Variants in LMTK3 observed in about 807,000 individuals in gnomAD.
The protein encoded by LMTK3 is serine/threonine-protein kinase LMTK3.
A neutral mutation model predicts 116.7 loss-of-function variants in LMTK3; 27 were observed. The ratio of observed to expected loss-of-function variants is 0.23; its 90% CI spans 0.17 to 0.32. The LOEUF is 0.32. Ranked by LOEUF, LMTK3 falls within the 10% of genes least tolerant of loss-of-function variation. The probability of loss-of-function intolerance (pLI) is 1.00; values close to 1 mark genes in which losing one functional copy is unlikely to be tolerated. For synonymous variants in LMTK3, 965 were observed against 971.0 expected (o/e 0.99, Z 0.11); for missense variants, 1,764 against 2,068.5 (o/e 0.85, Z 2.86).
At chr19:48,493,560 G>GC (rs552462833) in intron 12 of LMTK3, 134 bp downstream of exon 12, 10,241 of 385,294 alleles carry the variant, frequency 0.027, 105 homozygotes, top group Non-Finnish European at 0.031. Flanking sequence ...TTCAGGCCCC[G>GC]CCCCACTCCA....
At chr19:48,512,315 C>G (rs752912525), upstream of LMTK3, among the ~76,000 whole-genome samples, 1 of 152,138 alleles carries the variant, frequency 6.6e-6, no homozygotes, top group Non-Finnish European at 1.5e-5. Context: ...GCTTCCAGCA[C>G]AGATGCACCC....
At chr19:48,512,405 A>G (rs1022586309), upstream of LMTK3, among the ~76,000 whole-genome samples, 2 of 152,132 alleles carry the variant, frequency 1.3e-5, no homozygotes, top group African/African-American at 4.8e-5. Flanking sequence ...ACAGACGCAC[A>G]CGCCACAGAC....
Position 48,497,852 on chromosome 19 carries a change from C to A in LMTK3, c.3217G>T (p.Gly1073Cys). The change falls in exon 11 of 15, where the codon GGC (glycine) becomes TGC (cysteine). Residue 1073 changes from glycine (G) to cysteine (C), a missense_variant. Physicochemically the swap from Gly to Cys is radical, Grantham distance 159. Coordinates refer to ENST00000600059, the MANE Select transcript of LMTK3 (RefSeq NM_001388485.1). The surrounding 1 kb of genome is among the most constrained non-coding windows in gnomAD (Gnocchi z 5.7). ...SSRNGGETAP[G>C]PLGPAPKNGT... ...TTCTTGGGGGCTGGGCCAAGGGGGC[C>A]AGGGGCTGTCTCCCCGCCGTTCCGG... The A allele has an allele frequency of 7.0e-7, 1 of 1,430,512 alleles. No homozygotes were observed. Among genetic ancestry groups the A allele is most frequent in the Non-Finnish European group, 9.1e-7 (1 of 1,096,976 alleles). The allele number at this position is 1,430,512 out of a possible 1,614,324, so 88.6% of individuals were successfully genotyped here.
At chr19:48,507,336 A>G (rs1409132816) in intron 5 of LMTK3, among the ~76,000 whole-genome samples, 1 of 152,198 alleles carries the variant, frequency 6.6e-6, no homozygotes, top group African/African-American at 2.4e-5. Context: ...TGATGGGAAC[A>G]TTGGGATTTG....
chr19:48,490,556 C>T (rs1231649407), intron 14 of LMTK3, among the ~76,000 whole-genome samples: 1 of 146,768 alleles, frequency 6.8e-6, no homozygotes, highest in South Asian at 2.1e-4. Context: ...AAAATGAGGA[C>T]GAGGCTAGAA....
rs1972487919 is a variant in LMTK3, at chr19:48,502,415, G to A, written c.794+18C>T. 4 of 1,606,072 alleles carry A rather than the reference G, an allele frequency of 2.5e-6. No individual in the cohort carries two copies. Among genetic ancestry groups the A allele is most frequent in the Admixed American group, 3.4e-5 (2 of 59,298 alleles). On this transcript the variant is annotated intron_variant, in intron 7 of 14. Coordinates refer to ENST00000600059, the MANE Select transcript of LMTK3 (RefSeq NM_001388485.1). ...CTTCCCCTTAGTAGCTCCTCCCGCGGCTCCCCGGCCCGCCCACCTGTGCAC... is the reference window on the plus strand; with the variant it reads ...CTTCCCCTTAGTAGCTCCTCCCGCGACTCCCCGGCCCGCCCACCTGTGCAC...
At chr19:48,493,634 T>G (rs1239403969) in intron 12 of LMTK3, 60 bp downstream of exon 12, 8 of 1,459,264 alleles carry the variant, frequency 5.5e-6, no homozygotes, top group Non-Finnish European at 7.3e-6. Context: ...CCTTCCCGGC[T>G]CTAGGCTCCT....
Position 48,499,053 on chromosome 19 carries a change from G to A in LMTK3, c.2016C>T (p.Cys672=), listed in dbSNP as rs1164311267. The change falls in exon 11 of 15, where the codon TGC becomes TGT. Residue 672 remains cysteine, a synonymous_variant. Transcript: ENST00000600059. The stretch of plus-strand genomic sequence containing the variant: ...GGCAGGAGCAGGCCCCCTCGCGGCT[G>A]CACAGGGGACAGGGTAGGGGACCCC... ...SRRGPLPCPL[C]SREGACSCLP... The A allele has an allele frequency of 1.3e-6, 2 of 1,524,958 alleles. No individual in the cohort carries two copies. Among genetic ancestry groups the A allele is most frequent in the African/African-American group, 1.4e-5 (1 of 71,820 alleles). The allele number at this position is 1,524,958 out of a possible 1,614,324, so 94.5% of individuals were successfully genotyped here.
chr19:48,498,771 C>A lies in LMTK3; in HGVS notation c.2298G>T (p.Pro766=). The A allele has an allele frequency of 1.3e-6, 1 of 779,358 alleles. No homozygotes were observed. Among genetic ancestry groups the A allele is most frequent in the Non-Finnish European group, 1.6e-6 (1 of 614,332 alleles). 48.3% of individuals were successfully genotyped at this position (779,358 alleles called of 1,614,324 possible). ...PPPPPRAPAD[P]AASPDPPSAV... ...CCGAAGGGGGGTCGGGGGACGCGGC[C>A]GGGTCCGCGGGGGCCCGAGGAGGTG... The change falls in exon 11 of 15, where the codon CCG becomes CCT. Residue 766 remains proline (P), a synonymous_variant. Transcript: ENST00000600059.
At chr19:48,489,490 T>A (rs1013195687) in intron 14 of LMTK3, among the ~76,000 whole-genome samples, 3 of 152,128 alleles carry the variant, frequency 2.0e-5, no homozygotes, top group African/African-American at 7.2e-5. Flanking sequence ...GGAGAATCGC[T>A]TGAACCCGGG....
In LMTK3 at chr19:48,499,816, C is replaced by T; in HGVS notation, c.1253G>A (p.Arg418Gln). ...LTYLLSERPP[R>Q]PPPPPPPPRD... is the part of the protein sequence containing the mutation. ...GGGTGGGGGTGGCGGCGGTGGGGGC[C>T]GGGGAGGCCGCTCGGAGAGCAAGTA... Residue 418 changes from arginine (R) to glutamine (Q), a missense_variant, in exon 11 of 15, where the codon CGG (arginine) becomes CAG (glutamine). Around this residue, in one of 7 missense-constraint regions of LMTK3, gnomAD observed 63 missense variants for 65.0 expected, o/e 0.97. Transcript: ENST00000600059. The T allele has an allele frequency of 8.0e-7, 1 of 1,243,674 alleles. No homozygotes were observed. Among genetic ancestry groups the T allele is most frequent in the Non-Finnish European group, 1.1e-6 (1 of 918,870 alleles). The allele number at this position is 1,243,674 out of a possible 1,614,324, so 77.0% of individuals were successfully genotyped here.
intron 14 of LMTK3, among the ~76,000 whole-genome samples, chr19:48,488,740 T>C (rs964183713): frequency 8.1e-4 from 3 of 3,700 alleles, no homozygotes; most frequent in Non-Finnish European, 2.9e-3. Context: ...AAATTACACT[T>C]TTTTTTTTTT....
rs1293731891 is a variant in LMTK3 at position 48,497,515 on chromosome 19, G to C, written c.3554C>G (p.Ala1185Gly). ...TCCGCTGAGTGCCGTGTCTCCGCCG[G>C]CCCTGCTGTCTGGGGCCCCGGGCTC... ...EGEPGAPDSR[A>G]GGDTALSGDG... Residue 1185 changes from alanine to glycine, a missense_variant, in exon 11 of 15, where the codon GCC becomes GGC. By Grantham distance (60) the Ala-to-Gly change is moderately conservative. This residue lies in a region of LMTK3 where 1,028 missense variants were observed against 1,050.6 expected (regional missense o/e 0.98). Transcript: ENST00000600059. This position sits in a 1 kb window ranked among gnomAD's most constrained non-coding sequence, Gnocchi z 5.7. 1 of 1,435,120 alleles carries C rather than the reference G, an allele frequency of 7.0e-7. No individual in the cohort carries two copies. 88.9% of individuals were successfully genotyped at this position (1,435,120 alleles called of 1,614,324 possible).
At chr19:48,503,510 A>C (rs1601054071) in intron 5 of LMTK3, among the ~76,000 whole-genome samples, 1 of 148,152 alleles carries the variant, frequency 6.7e-6, no homozygotes, top group African/African-American at 2.5e-5. Context: ...CTTACACCTC[A>C]CCTCCACCTT....
At chr19:48,493,129 T>G (rs1972254649) in intron 12 of LMTK3, among the ~76,000 whole-genome samples, 1 of 149,830 alleles carries the variant, frequency 6.7e-6, no homozygotes, top group African/African-American at 2.5e-5. Flanking sequence ...GCCACAGACT[T>G]GGCCTCCCTC....
rs141863547 is a variant in LMTK3 at position 48,496,062 on chromosome 19, G to T, written c.3676+1331C>A. 4.6e-3 allele frequency among the ~76,000 whole-genome samples: 706 copies of T among 152,270 alleles called. 4 individuals carry two copies. Among genetic ancestry groups the T allele is most frequent in the African/African-American group, 0.016 (674 of 41,554 alleles). On this transcript the variant is annotated intron_variant, in intron 11 of 14. Coordinates refer to ENST00000600059, the MANE Select transcript of LMTK3 (RefSeq NM_001388485.1). ...AGGAGGCCTGGCACACTGGATAGAT[G>T]CCTTAGCTTACTGGAAAGTTGTTGT...
chr19:48,510,517 G>A lies in LMTK3; in HGVS notation c.152C>T (p.Ala51Val). ...VVLISCSGLL[A>V]FIFLLLTCLC... ...ACAGGTGAGGAGGAGGAAGATGAAG[G>A]CCAGCAGGCCGGAGCAGGAAATGAG... Residue 51 changes from alanine (A) to valine (V), a missense_variant, in exon 2 of 15, where the codon GCC (alanine) becomes GTC (valine). Ala to Val is a moderately conservative substitution (Grantham distance 64). Coordinates refer to ENST00000600059, the MANE Select transcript of LMTK3 (RefSeq NM_001388485.1). The A allele has an allele frequency of 6.3e-7, 1 of 1,599,454 alleles. No homozygotes were observed. Among genetic ancestry groups the A allele is most frequent in the Non-Finnish European group, 8.5e-7 (1 of 1,173,346 alleles).
chr19:48,503,993 G>T (rs1054850746), intron 5 of LMTK3, among the ~76,000 whole-genome samples: 1 of 151,742 alleles, frequency 6.6e-6, no homozygotes, highest in Non-Finnish European at 1.5e-5. Flanking sequence ...TCAGCCTCCC[G>T]AGTAGCTGGG....
At chr19:48,505,108 T>A (rs1293668045) in intron 5 of LMTK3, among the ~76,000 whole-genome samples, 1 of 123,520 alleles carries the variant, frequency 8.1e-6, no homozygotes, top group African/African-American at 3.1e-5. Context: ...TCTCTCTTTT[T>A]TTTTTTTTTT....
Sources: gnomAD v4.1 joint callset for allele counts (sites outside exome capture counted in the v4.1 genomes callset) on GRCh38, gnomAD v4.1.1 for gene constraint, gnomAD v4.1.1 regional missense constraint, Gnocchi (gnomAD v3.1) non-coding constraint, MANE v1.5 for transcripts, NCBI Gene and HGNC (gene_info 2026-07-23, HGNC 2026-07-21) for gene names.